The following GCFC2 variants were observed in gnomAD, a reference collection of about 807,000 sequenced individuals.
GCFC2 encodes GC-rich sequence DNA-binding factor 2.
GCFC2 carries 102 observed loss-of-function variants against 99.4 expected under a neutral mutation model. That is an observed-to-expected ratio of 1.03 (90% CI 0.87 to 1.21). The LOEUF is 1.21. Among genes scored for constraint, GCFC2 ranks in the 50% most tolerant of loss-of-function variants. The pLI, the probability that GCFC2 is intolerant of heterozygous loss-of-function variation, is 0.00. For missense variants in GCFC2, 973 were observed against 920.9 expected (o/e 1.06, Z -0.73); for synonymous variants, 338 against 316.8 (o/e 1.07, Z -0.71).
chr2:75,703,046 G>C (rs1283144358), intron 2 of GCFC2, among the ~76,000 whole-genome samples: 2 of 152,056 alleles, frequency 1.3e-5, no homozygotes, highest in Admixed American at 1.3e-4. Flanking sequence ...CATTTACCAG[G>C]TGAAAAATTT....
At chr2:75,712,323 G>T (rs969152671), upstream of GCFC2, among the ~76,000 whole-genome samples, 2 of 152,126 alleles carry the variant, frequency 1.3e-5, no homozygotes, top group African/African-American at 4.8e-5. Context: ...TTAGCTCAAG[G>T]TTTGTGAGTG....
At chr2:75,698,029 C>G (rs1341333332) in intron 4 of GCFC2, 3 of 152,074 alleles carry the variant, frequency 2.0e-5, no homozygotes, top group Non-Finnish European at 2.9e-5. Context: ...GTTACAGGAG[C>G]CACAGGAAAG....
At chr2:75,698,886 C>T (rs1218391704) in intron 4 of GCFC2, among the ~76,000 whole-genome samples, 1 of 151,904 alleles carries the variant, frequency 6.6e-6, no homozygotes, top group Non-Finnish European at 1.5e-5. Flanking sequence ...GTGGTATGTA[C>T]GTGTAGTCCC....
In GCFC2 at chr2:75,708,501, CTTTTTTTTTTTTTTTT is replaced by C. The variant is rs34414596; in HGVS notation, c.266-1866_266-1851del. ...TATGGTTTAAGAATCCATTTGGCAA[CTTTTTTTTTTTTTTTT>C]TTTTTTTTTTTTGAGATAAAGTCTC... On this transcript the variant is annotated intron_variant, in intron 1 of 16. Transcript: ENST00000321027. Among the ~76,000 whole-genome samples the C allele has an allele frequency of 4.8e-3, 378 of 78,720 alleles. 4 individuals are homozygous for C. The highest frequency in any genetic ancestry group is 0.021 in the Middle Eastern group (3 of 144). 51.6% of individuals were successfully genotyped at this position (78,720 alleles called of 152,430 possible).
At chr2:75,712,469 C>G (rs530004939), upstream of GCFC2, among the ~76,000 whole-genome samples, 12 of 152,280 alleles carry the variant, frequency 7.9e-5, no homozygotes, top group East Asian at 2.3e-3. Context: ...GCACCAATCA[C>G]GGCCCTGTCA....
At position 75,663,616 on chromosome 2, in the gene GCFC2, T is replaced by C. The variant is rs1208450655; in HGVS notation, c.*1050A>G. 6.6e-6 allele frequency: 1 copy of C among 152,178 alleles called. No homozygotes were observed. Among genetic ancestry groups the C allele is most frequent in the Non-Finnish European group, 1.5e-5 (1 of 68,048 alleles). The allele number at this position is 152,178 out of a possible 1,614,324, so 9.4% of individuals were successfully genotyped here. On this transcript the variant is annotated 3_prime_UTR_variant, in exon 17 of 17. Coordinates refer to ENST00000321027, the MANE Select transcript of GCFC2 (RefSeq NM_003203.5). The stretch of plus-strand genomic sequence containing the variant: ...GCTCAAGCCTGTAATCCCAGCACTT[T>C]GGGAGGTCAAGGTGGGTAGACTGCT...
At chr2:75,711,947 C>T (rs756652186), upstream of GCFC2, among the ~76,000 whole-genome samples, 4 of 152,268 alleles carry the variant, frequency 2.6e-5, no homozygotes, top group South Asian at 2.1e-4. Context: ...CACCCAAGGG[C>T]TGAGGAGTAC....
intron 12 of GCFC2, among the ~76,000 whole-genome samples, chr2:75,677,064 T>G (rs1459690171): frequency 6.6e-6 from 1 of 152,222 alleles, no homozygotes; most frequent in Admixed American, 6.5e-5. Flanking sequence ...ATTTCCCCAT[T>G]TAATCCCTAA....
chr2:75,703,950 C>G (rs1238161221), intron 2 of GCFC2, among the ~76,000 whole-genome samples: 5 of 152,140 alleles, frequency 3.3e-5, no homozygotes, highest in Admixed American at 2.0e-4. Flanking sequence ...TAGTAAGTCA[C>G]AAGCAATGGG....
intron 13 of GCFC2, among the ~76,000 whole-genome samples, chr2:75,672,606 C>T (rs13385913): frequency 0.23 from 35,317 of 151,710 alleles, 5,481 homozygotes; most frequent in African/African-American, 0.45. Flanking sequence ...GGCTTCTTAG[C>T]AAAGTTATGA....
chr2:75,687,765 T>G, intron 11 of GCFC2, 62 bp downstream of exon 11: 1 of 1,291,132 alleles, frequency 7.7e-7, no homozygotes, highest in East Asian at 2.4e-5. Flanking sequence ...ATAACAGAAA[T>G]TAACAACCTT....
At chr2:75,671,067 G>A (rs987009633) in intron 14 of GCFC2, among the ~76,000 whole-genome samples, 1 of 152,050 alleles carries the variant, frequency 6.6e-6, no homozygotes, top group African/African-American at 2.4e-5. Context: ...CAGTGTTTCA[G>A]TCTTTCTCTT....
intron 6 of GCFC2, among the ~76,000 whole-genome samples, chr2:75,692,386 C>T (rs1410621287): frequency 6.6e-6 from 1 of 152,124 alleles, no homozygotes; most frequent in East Asian, 1.9e-4. Flanking sequence ...GATGTGGTAG[C>T]TCATGCCTGT....
chr2:75,706,421 T>C lies in GCFC2; in HGVS notation c.394+102A>G, dbSNP rs1680865532. The C allele has an allele frequency of 7.0e-6, 5 of 714,780 alleles. No individual in the cohort carries two copies. The Admixed American group carries it at 7.7e-5, about 11-fold the overall frequency. The allele number at this position is 714,780 out of a possible 1,614,324, so 44.3% of individuals were successfully genotyped here. A position where few individuals can be genotyped will look rare whatever the true frequency, so the allele number is the denominator to read the frequency against. On this transcript the variant is annotated intron_variant, in intron 2 of 16. Coordinates refer to ENST00000321027, the MANE Select transcript of GCFC2 (RefSeq NM_003203.5). ...ACTCTGACAATCATCATTAATGACC[T>C]ACTTGCCCCATGTCACTAGAGTTTG...
rs1411305253 is a variant in GCFC2, at chr2:75,680,214, AT to A, written c.1790del (p.Asn597MetfsTer18). The A allele has an allele frequency of 2.5e-6, 4 of 1,606,286 alleles. No homozygotes were observed. In the Admixed American group the frequency reaches 5.0e-5, roughly 20 times the overall value. On this transcript the variant is annotated frameshift_variant, in exon 12 of 17. Transcript: ENST00000321027. LOFTEE classifies it high-confidence loss of function. ...VILEEHSTCE[N>X]EVSKSRQDLL... ...TTACCTGTCTGCTTTTACTAACTTC[AT>A]TTTCACAAGTGGAATGTTCTTCAAG...
At chr2:75,702,890 C>G (rs780082106) in intron 2 of GCFC2, among the ~76,000 whole-genome samples, 1 of 152,174 alleles carries the variant, frequency 6.6e-6, no homozygotes, top group Non-Finnish European at 1.5e-5. Flanking sequence ...CCTCCTTCCT[C>G]CTTCCCTCCT....
intron 5 of GCFC2, among the ~76,000 whole-genome samples, chr2:75,695,607 A>T (rs1392369553): frequency 1.3e-5 from 2 of 152,212 alleles, no homozygotes; most frequent in African/African-American, 4.8e-5. Context: ...CAGTGAATGC[A>T]AATAATACCA....
intron 2 of GCFC2, among the ~76,000 whole-genome samples, chr2:75,704,984 T>C (rs1457989578): frequency 6.6e-6 from 1 of 152,224 alleles, no homozygotes; most frequent in East Asian, 1.9e-4. Flanking sequence ...CCATCTTTTA[T>C]AGTAGCATTG....
At chr2:75,680,432 T>G (rs976173774) in intron 11 of GCFC2, 118 bp from the exon 12 acceptor site, 1 of 702,060 alleles carries the variant, frequency 1.4e-6, no homozygotes, top group Non-Finnish European at 2.3e-6. Context: ...TTAAGTTCCA[T>G]GGCCAATTAT....
Sources: allele counts gnomAD v4.1 joint callset (sites outside exome capture counted in the v4.1 genomes callset), GRCh38; gene constraint gnomAD v4.1.1; transcripts MANE v1.5; gene names NCBI Gene and HGNC (gene_info 2026-07-23, HGNC 2026-07-21).